CHD1: variants seen among roughly 807,000 people sequenced by gnomAD.
The protein encoded by CHD1 is chromodomain helicase DNA binding protein 1.
CHD1 carries 36 observed loss-of-function variants against 224.2 expected under a neutral mutation model. That is an observed-to-expected ratio of 0.16 (90% confidence interval 0.12 to 0.21). CHD1 has a LOEUF of 0.21. CHD1 is among the 10% of genes least tolerant of loss of function. The pLI is 1.00. For missense variants in CHD1, 1,378 were observed against 1,994.8 expected (o/e 0.69, Z 5.89); for synonymous variants, 668 against 658.3 (o/e 1.01, Z -0.23).
chr5:98,865,426 G>A (rs1748788939), intron 31 of CHD1, among the ~76,000 whole-genome samples: 1 of 152,192 alleles, frequency 6.6e-6, no homozygotes, highest in African/African-American at 2.4e-5. Flanking sequence ...GATTACTCTG[G>A]TTGCTATGTG....
At chr5:98,911,130 G>GA (rs11451331) in intron 2 of CHD1, among the ~76,000 whole-genome samples, 1,224 of 43,972 alleles carry the variant, frequency 0.028, 80 homozygotes, top group African/African-American at 0.062. Context: ...GTGCTAAAAT[G>GA]AAAAAAAAAA....
chr5:98,924,636 T>C (rs1387810873), intron 2 of CHD1, among the ~76,000 whole-genome samples: 1 of 152,170 alleles, frequency 6.6e-6, no homozygotes, highest in East Asian at 1.9e-4. Context: ...CCAAACAGTA[T>C]GTATGAAAGC....
chr5:98,912,871 T>C (rs915406084), intron 2 of CHD1, among the ~76,000 whole-genome samples: 4 of 152,198 alleles, frequency 2.6e-5, no homozygotes, highest in African/African-American at 7.2e-5. Context: ...CTTCTGTCCT[T>C]AGCACATAAA....
intron 15 of CHD1, among the ~76,000 whole-genome samples, chr5:98,891,186 A>C (rs1475061349): frequency 6.6e-6 from 1 of 151,924 alleles, no homozygotes; most frequent in Admixed American, 6.6e-5. Context: ...CGATCCTCCC[A>C]CCTCAGCCTA....
At chr5:98,877,232 A>T (rs946672970) in intron 23 of CHD1, among the ~76,000 whole-genome samples, 3 of 152,206 alleles carry the variant, frequency 2.0e-5, no homozygotes, top group Non-Finnish European at 4.4e-5. Flanking sequence ...AATCTATACG[A>T]TAGAATGCTG....
chr5:98,869,640 A>G, intron 30 of CHD1, 114 bp downstream of exon 30: 3 of 1,123,958 alleles, frequency 2.7e-6, no homozygotes, highest in Non-Finnish European at 3.9e-6. Flanking sequence ...ACACACACAC[A>G]CACACACACA....
Position 98,854,816 on chromosome 5 carries a change from CCA to C in CHD1, c.*1562_*1563del, listed in dbSNP as rs1580329522. 6.6e-6 allele frequency: 1 copy of C among 152,218 alleles called. No individual in the cohort carries two copies. The highest frequency in any genetic ancestry group is 1.9e-4 in the East Asian group (1 of 5,190). The allele number at this position is 152,218 out of a possible 1,614,324, so 9.4% of individuals were successfully genotyped here. On this transcript the variant is annotated 3_prime_UTR_variant, in exon 36 of 36. Transcript: ENST00000614616. ...CATAGCAATACTATAGAAATTATGT[CCA>C]CATACTTATATTCGTCAAAGATTCA...
At chr5:98,923,940 C>G (rs938617372) in intron 2 of CHD1, among the ~76,000 whole-genome samples, 1 of 152,128 alleles carries the variant, frequency 6.6e-6, no homozygotes, top group Admixed American at 6.5e-5. Context: ...TACCTACTAA[C>G]CATTCCATTC....
At chr5:98,915,766 G>A (rs760167714) in intron 2 of CHD1, among the ~76,000 whole-genome samples, 23 of 151,934 alleles carry the variant, frequency 1.5e-4, no homozygotes, top group Non-Finnish European at 3.2e-4. Flanking sequence ...AATTAGATTG[G>A]GCTATGAAAT....
chr5:98,858,449 T>C, intron 34 of CHD1, 59 bp from the exon 35 acceptor site: 1 of 1,367,050 alleles, frequency 7.3e-7, no homozygotes, highest in Non-Finnish European at 1.0e-6. Flanking sequence ...AAAAAAAACT[T>C]AGTTGATAGA....
chr5:98,894,031 C>G (rs536165694), intron 13 of CHD1, among the ~76,000 whole-genome samples: 1 of 152,278 alleles, frequency 6.6e-6, no homozygotes, highest in East Asian at 1.9e-4. Context: ...AACTGTAGAA[C>G]TCTCTTAAAC....
intron 27 of CHD1, 70 bp from the exon 28 acceptor site, chr5:98,872,271 G>T: frequency 6.6e-7 from 1 of 1,516,670 alleles, no homozygotes; most frequent in South Asian, 1.2e-5. Flanking sequence ...TTTGAAAAAC[G>T]TGAGTCATTA....
At chr5:98,877,287 C>T (rs546883412) in intron 23 of CHD1, among the ~76,000 whole-genome samples, 2 of 152,182 alleles carry the variant, frequency 1.3e-5, no homozygotes, top group Non-Finnish European at 2.9e-5. Flanking sequence ...ACATTCATGA[C>T]ATACTGTCAA....
chr5:98,881,448 T>C, intron 20 of CHD1, 73 bp from the exon 21 acceptor site: 1 of 669,688 alleles, frequency 1.5e-6, no homozygotes, highest in South Asian at 2.1e-5. Flanking sequence ...CTTTTATTAA[T>C]TACTGACATT....
chr5:98,883,842 T>C, intron 18 of CHD1: 1 of 48,064 alleles, frequency 2.1e-5, no homozygotes, highest in Non-Finnish European at 3.3e-5. Context: ...TATATATATA[T>C]ATATATATAT....
intron 10 of CHD1, 94 bp from the exon 11 acceptor site, chr5:98,897,414 T>C: frequency 1.1e-6 from 1 of 880,040 alleles, no homozygotes; most frequent in Non-Finnish European, 1.7e-6. Context: ...AATTCTTAAA[T>C]TTCATCTCTA....
chr5:98,925,423 G>T (rs1753391267), intron 2 of CHD1, among the ~76,000 whole-genome samples: 1 of 152,102 alleles, frequency 6.6e-6, no homozygotes, highest in Admixed American at 6.5e-5. Context: ...ATAAACAATA[G>T]TTTAATCCCC....
At position 98,901,220 on chromosome 5, in the gene CHD1, T is replaced by C; in HGVS notation, c.553A>G (p.Lys185Glu). Residue 185 changes from lysine (K) to glutamate (E), a missense_variant, in exon 6 of 36, where the codon AAA becomes GAA. Around this residue, in one of 16 missense-constraint regions of CHD1, gnomAD observed 306 missense variants for 298.1 expected, o/e 1.03. Coordinates refer to ENST00000614616, the MANE Select transcript of CHD1 (RefSeq NM_001270.4). Reference sequence around the variant, plus strand: ...GGTTTTCTGCTTTTGACTTTGTTTTTTGGCTCATAATCAGATTCTGTTTCA... The same window carrying C: ...GGTTTTCTGCTTTTGACTTTGTTTTCTGGCTCATAATCAGATTCTGTTTCA... ...CDETESDYEP[K>E]NKVKSRKPQN... is the part of the protein sequence containing the mutation. 1 of 1,612,978 alleles carries C rather than the reference T, an allele frequency of 6.2e-7. No homozygotes were observed. The highest frequency in any genetic ancestry group is 8.5e-7 in the Non-Finnish European group (1 of 1,179,698).
At chr5:98,902,685 A>G (rs969280788) in intron 5 of CHD1, among the ~76,000 whole-genome samples, 1 of 152,112 alleles carries the variant, frequency 6.6e-6, no homozygotes, top group African/African-American at 2.4e-5. Context: ...GTTACAGGAG[A>G]TAAAGAAATG....
Sources: gnomAD v4.1 joint callset for allele counts (sites outside exome capture counted in the v4.1 genomes callset) on GRCh38, gnomAD v4.1.1 for gene constraint, gnomAD v4.1.1 regional missense constraint, MANE v1.5 for transcripts, NCBI Gene and HGNC (gene_info 2026-07-23, HGNC 2026-07-21) for gene names.